PALLD: variants seen among roughly 807,000 people sequenced by gnomAD.
PALLD encodes palladin.
PALLD carries 61 observed loss-of-function variants against 123.5 expected under a neutral mutation model. The ratio of observed to expected loss-of-function variants is 0.49; its 90% CI spans 0.40 to 0.61. The LOEUF is 0.61. Ranked by LOEUF, PALLD falls within the 20% of genes least tolerant of loss-of-function variation. The pLI, the probability that PALLD is intolerant of heterozygous loss-of-function variation, is 0.00. For missense variants in PALLD, 1,273 were observed against 1,377.0 expected (o/e 0.92, Z 1.20); for synonymous variants, 465 against 496.4 (o/e 0.94, Z 0.84).
At chr4:168,670,604 G>A (rs1780111931) in intron 3 of PALLD, among the ~76,000 whole-genome samples, 1 of 150,442 alleles carries the variant, frequency 6.6e-6, no homozygotes, top group African/African-American at 2.5e-5. Context: ...GCGGTGGCGG[G>A]CGCCTGTAGT....
chr4:168,695,101 T>C (rs567757514), intron 8 of PALLD, among the ~76,000 whole-genome samples: 1 of 152,354 alleles, frequency 6.6e-6, no homozygotes, highest in African/African-American at 2.4e-5. Flanking sequence ...TGTGGAATTA[T>C]ACATATAAAA....
At chr4:168,783,530 C>T (rs115426229) in intron 10 of PALLD, among the ~76,000 whole-genome samples, 4 of 152,076 alleles carry the variant, frequency 2.6e-5, no homozygotes, top group South Asian at 4.1e-4. Context: ...TCAGAGAAAA[C>T]GAATAGTTAA....
At chr4:168,769,696 T>C (rs576999135) in intron 10 of PALLD, among the ~76,000 whole-genome samples, 1 of 152,306 alleles carries the variant, frequency 6.6e-6, no homozygotes, top group Admixed American at 6.5e-5. Flanking sequence ...AGACATCACA[T>C]TGGGTCTCCC....
At chr4:168,870,891 T>C (rs1204218695) in intron 10 of PALLD, among the ~76,000 whole-genome samples, 2 of 152,184 alleles carry the variant, frequency 1.3e-5, no homozygotes, top group African/African-American at 4.8e-5. Context: ...GAAAATGCAA[T>C]TGTGTGTTGC....
rs79637754 is a variant in PALLD at position 168,756,767 on chromosome 4, G to A, written c.1964+44844G>A. 5.8e-3 allele frequency among the ~76,000 whole-genome samples: 877 copies of A among 152,292 alleles called. 69 individuals are homozygous for A. In the East Asian group the frequency reaches 0.13, roughly 23 times the overall value. ...CGAAATACAAATCGCAAAGATGTTG[G>A]ACTCAAGCTATAAACTTGAGAGTCA... is the stretch of plus-strand genomic sequence containing the variant. On this transcript the variant is annotated intron_variant, in intron 10 of 21. Coordinates refer to ENST00000505667, the MANE Select transcript of PALLD (RefSeq NM_001166108.2).
chr4:168,606,155 G>GT (rs1353229257), intron 2 of PALLD, among the ~76,000 whole-genome samples: 1 of 152,060 alleles, frequency 6.6e-6, no homozygotes, highest in Non-Finnish European at 1.5e-5. Flanking sequence ...ACTTATGGTT[G>GT]TTTTAGTTTG....
intron 10 of PALLD, among the ~76,000 whole-genome samples, chr4:168,753,971 A>C (rs1731419491): frequency 6.6e-6 from 1 of 152,224 alleles, no homozygotes; most frequent in South Asian, 2.1e-4. Context: ...TAGGTTATGC[A>C]ACAAGTACAT....
At chr4:168,834,101 T>G (rs1443158464) in intron 10 of PALLD, among the ~76,000 whole-genome samples, 1 of 151,932 alleles carries the variant, frequency 6.6e-6, no homozygotes, top group Non-Finnish European at 1.5e-5. Flanking sequence ...ATTAAGAAAC[T>G]GGGCATGTAC....
chr4:168,622,153 C>T (rs140356678), intron 2 of PALLD, among the ~76,000 whole-genome samples: 2 of 152,306 alleles, frequency 1.3e-5, no homozygotes, highest in African/African-American at 2.4e-5. Flanking sequence ...TGGGTCAAAA[C>T]ACACATACAC....
intron 10 of PALLD, among the ~76,000 whole-genome samples, chr4:168,725,132 G>T (rs1380592982): frequency 2.0e-5 from 3 of 152,294 alleles, no homozygotes; most frequent in African/African-American, 7.2e-5. Flanking sequence ...TGAAACAATT[G>T]AATGACTAAC....
At chr4:168,822,029 G>A (rs1232527490) in intron 10 of PALLD, among the ~76,000 whole-genome samples, 1 of 152,076 alleles carries the variant, frequency 6.6e-6, no homozygotes, top group Non-Finnish European at 1.5e-5. Context: ...CTGGCCTGAG[G>A]CCTGATCCCA....
chr4:168,838,984 C>A (rs552161432), intron 10 of PALLD, among the ~76,000 whole-genome samples: 1 of 152,246 alleles, frequency 6.6e-6, no homozygotes, highest in East Asian at 1.9e-4. Context: ...CATGAACTCA[C>A]TACCTTCACC....
intron 2 of PALLD, among the ~76,000 whole-genome samples, chr4:168,570,039 G>C (rs1278128142): frequency 6.6e-6 from 1 of 152,004 alleles, no homozygotes; most frequent in African/African-American, 2.4e-5. Flanking sequence ...TTTATCTACC[G>C]TGTAAATGTA....
intron 3 of PALLD, among the ~76,000 whole-genome samples, chr4:168,675,653 G>T (rs1273041068): frequency 6.6e-6 from 1 of 152,160 alleles, no homozygotes; most frequent in Non-Finnish European, 1.5e-5. Flanking sequence ...GGTTGAGTGG[G>T]TTAATCCACT....
intron 10 of PALLD, among the ~76,000 whole-genome samples, chr4:168,848,377 G>A (rs1747220688): frequency 6.6e-6 from 1 of 152,098 alleles, no homozygotes; most frequent in South Asian, 2.1e-4. Flanking sequence ...TGGAAACCAG[G>A]CCTATTGAGC....
chr4:168,771,998 A>G (rs1734521428), intron 10 of PALLD, among the ~76,000 whole-genome samples: 2 of 152,186 alleles, frequency 1.3e-5, no homozygotes, highest in Non-Finnish European at 2.9e-5. Flanking sequence ...TCTGATAGCA[A>G]AAACATCAGC....
intron 10 of PALLD, among the ~76,000 whole-genome samples, chr4:168,762,753 T>C (rs1733129197): frequency 6.6e-6 from 1 of 152,168 alleles, no homozygotes; most frequent in Non-Finnish European, 1.5e-5. Flanking sequence ...CTGTTCACAA[T>C]AGCAAAGACT....
chr4:168,577,188 T>C (rs868714612), intron 2 of PALLD, among the ~76,000 whole-genome samples: 20 of 152,118 alleles, frequency 1.3e-4, no homozygotes, highest in South Asian at 6.2e-4. Context: ...GGTAACACGT[T>C]GATGTTTGCC....
intron 18 of PALLD, among the ~76,000 whole-genome samples, chr4:168,923,280 G>A (rs954507545): frequency 2.0e-5 from 3 of 152,180 alleles, no homozygotes; most frequent in Non-Finnish European, 4.4e-5. Flanking sequence ...TAACTAACTC[G>A]TGGTGTTGGA....
Sources: gnomAD v4.1 joint callset for allele counts (sites outside exome capture counted in the v4.1 genomes callset) on GRCh38, gnomAD v4.1.1 for gene constraint, MANE v1.5 for transcripts, NCBI Gene and HGNC (gene_info 2026-07-23, HGNC 2026-07-21) for gene names.